GDNF: variants seen among roughly 807,000 people sequenced by gnomAD.
The protein encoded by GDNF is glial cell line-derived neurotrophic factor.
In GDNF, 5 loss-of-function variants were observed where a neutral mutation model predicts 13.7. The observed-to-expected ratio is 0.36, with a 90% CI of 0.19 to 0.77. The LOEUF (loss-of-function observed/expected upper bound fraction) is 0.77, where lower values mean the gene tolerates loss of function less well. GDNF is among the 30% of genes least tolerant of loss of function. The pLI, the probability that GDNF is intolerant of heterozygous loss-of-function variation, is 0.51. For missense variants in GDNF, 246 were observed against 274.3 expected, an observed-to-expected ratio of 0.90 and a Z score of 0.73; for synonymous variants, 122 against 112.5, an observed-to-expected ratio of 1.08 and a Z score of -0.53.
chr5:37,816,256 G>A (rs1749928300), intron 2 of GDNF, 121 bp from the exon 3 acceptor site: 5 of 927,778 alleles, frequency 5.4e-6, no homozygotes, highest in Admixed American at 3.9e-5. Context: ...ACTATCAGCC[G>A]ATTAAGCTAT....
chr5:37,834,598 C>T (rs1447247656), intron 2 of GDNF, 48 bp downstream of exon 2: 4 of 1,390,972 alleles, frequency 2.9e-6, no homozygotes, highest in East Asian at 2.7e-5. Context: ...GGTGGGGGTG[C>T]GAGGGGGTCC....
At position 37,834,659 on chromosome 5, in the gene GDNF, C is replaced by T. The variant is rs375385439; in HGVS notation, c.138G>A (p.Ala46=). The part of the protein sequence containing the change: ...RSLGRRRAPF[A]LSSDSNMPED... ...AACGGTTCTTACAGTCACTGCTCAGCGCGAAGGGCGCGCGGCGGCGGCCGA... is the reference window on the plus strand; with the variant it reads ...AACGGTTCTTACAGTCACTGCTCAGTGCGAAGGGCGCGCGGCGGCGGCCGA... The change falls in exon 2 of 3, where the codon GCG becomes GCA. Residue 46 remains alanine (A), a synonymous_variant. Transcript: ENST00000326524. The T allele has an allele frequency of 1.0e-4, 161 of 1,598,624 alleles. No individual in the cohort carries two copies. In the African/African-American group the frequency reaches 2.0e-3, roughly 20 times the overall value.
At chr5:37,823,133 C>T (rs1750197735) in intron 2 of GDNF, 1 of 152,220 alleles carries the variant, frequency 6.6e-6, no homozygotes, top group Non-Finnish European at 1.5e-5. Context: ...TGAATACTAT[C>T]TCCATTTTAC....
At chr5:37,835,837 G>T in intron 1 of GDNF, 1 of 655,434 alleles carries the variant, frequency 1.5e-6, no homozygotes, top group Admixed American at 2.2e-5. Flanking sequence ...GAGGTGCTCT[G>T]GCACTGGAAG....
chr5:37,825,936 AGACTC>A (rs1477575662), intron 2 of GDNF, among the ~76,000 whole-genome samples: 4 of 152,252 alleles, frequency 2.6e-5, no homozygotes, highest in Non-Finnish European at 5.9e-5. Flanking sequence ...GGAATCTCAA[AGACTC>A]TTCAGGTAAT....
At position 37,813,366 on chromosome 5, in the gene GDNF, G is replaced by A. The variant is rs1278391712; in HGVS notation, c.*2285C>T. On this transcript the variant is annotated 3_prime_UTR_variant, in exon 3 of 3. Coordinates refer to ENST00000326524, the MANE Select transcript of GDNF (RefSeq NM_000514.4). ...TCATTTAATTGCTAAATCTGTCATA[G>A]TTTTATACTAGTAGCCACTAAGGTA... is the stretch of plus-strand genomic sequence containing the variant. 1.3e-5 allele frequency: 2 copies of A among 152,052 alleles called. No individual in the cohort carries two copies. Among genetic ancestry groups the A allele is most frequent in the Non-Finnish European group, 2.9e-5 (2 of 68,022 alleles). 9.4% of individuals were successfully genotyped at this position (152,052 alleles called of 1,614,324 possible).
At chr5:37,836,193 A>G (rs1016089183) in intron 1 of GDNF, among the ~76,000 whole-genome samples, 3 of 145,528 alleles carry the variant, frequency 2.1e-5, no homozygotes, top group Admixed American at 1.3e-4. Context: ...CTTAGGAAAA[A>G]CTCGATTTTT....
rs114171748 is a variant in GDNF, at chr5:37,832,042, T to C, written c.151+2604A>G. Among the ~76,000 whole-genome samples, 454 of 152,316 alleles carry C rather than the reference T, an allele frequency of 3.0e-3. 3 individuals are homozygous for C. The highest frequency in any genetic ancestry group is 0.01 in the African/African-American group (434 of 41,564). ...TCTCACACTGAGGGCATACTAGTAA[T>C]AGAATTCTGGATGTTTTATTTACAT... On this transcript the variant is annotated intron_variant, in intron 2 of 2. Coordinates refer to ENST00000326524, the MANE Select transcript of GDNF (RefSeq NM_000514.4).
At chr5:37,830,256 T>C (rs140414153) in intron 2 of GDNF, among the ~76,000 whole-genome samples, 1 of 152,296 alleles carries the variant, frequency 6.6e-6, no homozygotes, top group African/African-American at 2.4e-5. Flanking sequence ...AGCCTCCAAC[T>C]CACAACCCTC....
At chr5:37,828,432 A>G (rs1750406016) in intron 2 of GDNF, among the ~76,000 whole-genome samples, 1 of 152,240 alleles carries the variant, frequency 6.6e-6, no homozygotes. Context: ...GAGATTTTAA[A>G]AGGGCCAAAA....
chr5:37,835,486 T>G, intron 1 of GDNF: 1 of 1,483,536 alleles, frequency 6.7e-7, no homozygotes, highest in Admixed American at 2.2e-5. Context: ...ACTTTTGGCC[T>G]GTATGGGATA....
rs761056738 is a variant in GDNF, at chr5:37,816,141, CA to C, written c.152-7del. On this transcript the variant is annotated splice_region_variant and splice_polypyrimidine_tract_variant and intron_variant, in intron 2 of 2. Transcript: ENST00000326524. ...ATAATCCTCTGGCATATTTGCTGTT[CA>C]AAAAGAAAAGAGAAAATGGCACATG... 2.7e-5 allele frequency: 44 copies of C among 1,613,356 alleles called. No homozygotes were observed. Among genetic ancestry groups the C allele is most frequent in the Non-Finnish European group, 3.6e-5 (42 of 1,179,624 alleles).
At chr5:37,833,268 G>T (rs562037357) in intron 2 of GDNF, among the ~76,000 whole-genome samples, 2 of 152,062 alleles carry the variant, frequency 1.3e-5, no homozygotes, top group South Asian at 4.1e-4. Context: ...TGGAAGACCC[G>T]GCACTAAGGG....
At position 37,834,647 on chromosome 5, in the gene GDNF, G is replaced by C; in HGVS notation, c.150C>G (p.Asp50Glu). ...CCGCGGGGAGGGAACGGTTCTTACA[G>C]TCACTGCTCAGCGCGAAGGGCGCGC... ...RRRAPFALSS[D>E]SNMPEDYPDQ... is the part of the protein sequence containing the mutation. Residue 50 changes from aspartate (D) to glutamate (E), a missense_variant and splice_region_variant, in exon 2 of 3, where the codon GAC becomes GAG. By Grantham distance (45) the Asp-to-Glu change is conservative (BLOSUM62 2). Transcript: ENST00000326524. 2 of 1,586,296 alleles carry C rather than the reference G, an allele frequency of 1.3e-6. No homozygotes were observed. Among genetic ancestry groups the C allele is most frequent in the Non-Finnish European group, 1.7e-6 (2 of 1,167,558 alleles).
intron 1 of GDNF, chr5:37,835,864 G>T: frequency 1.6e-6 from 1 of 611,266 alleles, no homozygotes; most frequent in South Asian, 1.9e-5. Flanking sequence ...ACCGTGGTAC[G>T]GCGCAGAGTA....
intron 2 of GDNF, among the ~76,000 whole-genome samples, chr5:37,825,766 G>GAGCAGT (rs951307281): frequency 6.6e-6 from 1 of 152,172 alleles, no homozygotes; most frequent in Non-Finnish European, 1.5e-5. Flanking sequence ...GGGACCCACT[G>GAGCAGT]AGCAGTAGGT....
intron 2 of GDNF, among the ~76,000 whole-genome samples, chr5:37,817,740 TCACAAAG>T (rs894855168): frequency 1.5e-4 from 23 of 152,186 alleles, no homozygotes; most frequent in African/African-American, 5.5e-4. Context: ...TGCACGGAAA[TCACAAAG>T]CTGTTTCCAC....
rs1581571288 is a variant in GDNF at position 37,812,960 on chromosome 5, T to G, written c.*2691A>C. On this transcript the variant is annotated 3_prime_UTR_variant, in exon 3 of 3. Coordinates refer to ENST00000326524, the MANE Select transcript of GDNF (RefSeq NM_000514.4). ...GAACGAGCTATTGACACCCCTTGGATCCTACAGCTTTTTTGGGCAGGGACT... is the reference window on the plus strand; with the variant it reads ...GAACGAGCTATTGACACCCCTTGGAGCCTACAGCTTTTTTGGGCAGGGACT... 1 of 152,314 alleles carries G rather than the reference T, an allele frequency of 6.6e-6. No homozygotes were observed. 9.4% of individuals were successfully genotyped at this position (152,314 alleles called of 1,614,324 possible).
At chr5:37,834,515 G>T in intron 2 of GDNF, 131 bp downstream of exon 2, 1 of 843,242 alleles carries the variant, frequency 1.2e-6, no homozygotes, top group Non-Finnish European at 1.7e-6. Flanking sequence ...TTCAGCACCC[G>T]CACCCCTTGC....
Sources: allele counts gnomAD v4.1 joint callset (sites outside exome capture counted in the v4.1 genomes callset), GRCh38; gene constraint gnomAD v4.1.1; transcripts MANE v1.5; gene names NCBI Gene and HGNC (gene_info 2026-07-23, HGNC 2026-07-21).